Variants in AFG2A observed in about 807,000 individuals in gnomAD.
The protein encoded by AFG2A is AAA ATPase AFG2A, also known as ATPase family gene 2 protein homolog A.
At chr4:122,994,241 T>G in the AFG2A span, among the ~76,000 whole-genome samples, 2 of 152,164 alleles carry the variant, frequency 1.3e-5, no homozygotes, top group Non-Finnish European at 2.9e-5. Context: ...AAAATGCCTA[T>G]AATAGTACTG....
At chr4:122,972,126 A>G in the AFG2A span, among the ~76,000 whole-genome samples, 2 of 152,134 alleles carry the variant, frequency 1.3e-5, no homozygotes, top group Non-Finnish European at 2.9e-5. Context: ...CAGTGAAGCC[A>G]TCTGTACTTA....
the AFG2A span, among the ~76,000 whole-genome samples, chr4:123,105,393 C>T: frequency 6.6e-6 from 1 of 152,136 alleles, no homozygotes; most frequent in African/African-American, 2.4e-5. Flanking sequence ...TGGAAATGCA[C>T]AAGGAGAATT....
At chr4:122,939,480 C>A in the AFG2A span, among the ~76,000 whole-genome samples, 5 of 152,110 alleles carry the variant, frequency 3.3e-5, no homozygotes, top group Non-Finnish European at 7.3e-5. Context: ...TTTTCTAAGA[C>A]TCCTGACATC....
At chr4:123,190,852 T>C in the AFG2A span, among the ~76,000 whole-genome samples, 2 of 152,192 alleles carry the variant, frequency 1.3e-5, no homozygotes, top group African/African-American at 2.4e-5. Context: ...TTCATCAAAC[T>C]TGGCACTTAA....
chr4:123,029,171 C>T, the AFG2A span, among the ~76,000 whole-genome samples: 1 of 152,164 alleles, frequency 6.6e-6, no homozygotes, highest in Non-Finnish European at 1.5e-5. Context: ...GATCTTGGCT[C>T]ACTGCAAGCT....
chr4:122,994,944 A>G, the AFG2A span, among the ~76,000 whole-genome samples: 3 of 152,104 alleles, frequency 2.0e-5, no homozygotes, highest in South Asian at 2.1e-4. Context: ...ATTTACTACT[A>G]TATTTTCACC....
At chr4:123,109,918 C>T in the AFG2A span, among the ~76,000 whole-genome samples, 150 of 152,276 alleles carry the variant, frequency 9.9e-4, 2 homozygotes, top group South Asian at 0.031. Flanking sequence ...CAGCTTTTCA[C>T]TTGCTGGCTA....
the AFG2A span, among the ~76,000 whole-genome samples, chr4:123,021,986 G>A: frequency 6.6e-6 from 1 of 151,686 alleles, no homozygotes; most frequent in Non-Finnish European, 1.5e-5. Flanking sequence ...CTAGCCATAT[G>A]TAGAAAGCTG....
the AFG2A span, among the ~76,000 whole-genome samples, chr4:122,942,518 C>G: frequency 6.6e-6 from 1 of 151,986 alleles, no homozygotes; most frequent in Non-Finnish European, 1.5e-5. Context: ...TTTGATTCTT[C>G]TCTCTTTTTT....
the AFG2A span, among the ~76,000 whole-genome samples, chr4:123,049,196 T>C: frequency 8.5e-5 from 13 of 152,208 alleles, no homozygotes; most frequent in Non-Finnish European, 1.9e-4. Context: ...CATCCTTGCA[T>C]CCCTGGGATG....
chr4:123,270,944 A>T, the AFG2A span, among the ~76,000 whole-genome samples: 1 of 152,198 alleles, frequency 6.6e-6, no homozygotes, highest in Non-Finnish European at 1.5e-5. Context: ...AATCAACAGC[A>T]ATCCATCATT....
chr4:123,139,946 A>T, the AFG2A span, among the ~76,000 whole-genome samples: 2 of 152,050 alleles, frequency 1.3e-5, no homozygotes, highest in African/African-American at 4.8e-5. Flanking sequence ...TTTCCAGGAT[A>T]AAACAAATTG....
chr4:123,296,258 T>A, the AFG2A span, among the ~76,000 whole-genome samples: 1 of 151,840 alleles, frequency 6.6e-6, no homozygotes. Flanking sequence ...AGGCAGGAGA[T>A]GTTAAATAAC....
the AFG2A span, among the ~76,000 whole-genome samples, chr4:122,994,778 G>A: frequency 1.2e-3 from 181 of 151,440 alleles, no homozygotes; most frequent in African/African-American, 4.0e-3. Flanking sequence ...AGTAAACTCC[G>A]ATCCAGGTTA....
chr4:123,276,075 A>G, the AFG2A span, among the ~76,000 whole-genome samples: 2 of 152,312 alleles, frequency 1.3e-5, no homozygotes, highest in South Asian at 4.1e-4. Context: ...GCTTTCTACA[A>G]TGGCTAAGCT....
At chr4:122,934,093 C>T in the AFG2A span, 1 of 1,582,116 alleles carries the variant, frequency 6.3e-7, no homozygotes, top group Non-Finnish European at 8.6e-7. Flanking sequence ...ATACTGTTTT[C>T]TAGATGGCAA....
At chr4:123,140,187 A>G in the AFG2A span, among the ~76,000 whole-genome samples, 3 of 152,250 alleles carry the variant, frequency 2.0e-5, no homozygotes, top group East Asian at 5.8e-4. Flanking sequence ...TGAGTAAATG[A>G]CAGGTAGGAA....
the AFG2A span, chr4:122,938,034 G>C: frequency 8.3e-7 from 1 of 1,200,926 alleles, no homozygotes; most frequent in East Asian, 2.8e-5. Context: ...TTCTAAATTT[G>C]ATATGTTGCA....
the AFG2A span, among the ~76,000 whole-genome samples, chr4:122,930,713 G>T: frequency 6.6e-6 from 1 of 152,132 alleles, no homozygotes; most frequent in Non-Finnish European, 1.5e-5. Context: ...GTACTGTTGA[G>T]ATTAAACTGG....
Sources: gnomAD v4.1 joint callset for allele counts (sites outside exome capture counted in the v4.1 genomes callset) on GRCh38, gnomAD v4.1.1 for gene constraint, MANE v1.5 for transcripts, NCBI Gene and HGNC (gene_info 2026-07-23, HGNC 2026-07-21) for gene names.